The following SHC3 variants were observed in gnomAD, a reference collection of about 807,000 sequenced individuals.
SHC3 encodes SHC-transforming protein 3.
In SHC3, 15 loss-of-function variants were observed where a neutral mutation model predicts 60.4. The ratio of observed to expected loss-of-function variants is 0.25; its 90% CI spans 0.17 to 0.38. SHC3 has a LOEUF of 0.38. SHC3 is among the 10% of genes least tolerant of loss of function. The pLI, the probability that SHC3 is intolerant of heterozygous loss-of-function variation, is 1.00. For missense variants in SHC3, 677 were observed against 786.1 expected (o/e 0.86, Z 1.66); for synonymous variants, 294 against 325.9 (o/e 0.90, Z 1.05).
At chr9:89,056,902 TG>T (rs1824961536) in intron 6 of SHC3, among the ~76,000 whole-genome samples, 1 of 152,240 alleles carries the variant, frequency 6.6e-6, no homozygotes, top group South Asian at 2.1e-4. Flanking sequence ...TCGGGATCCA[TG>T]CCCCACTTTC....
chr9:89,111,993 T>A (rs1439226625), intron 2 of SHC3, among the ~76,000 whole-genome samples: 2 of 152,188 alleles, frequency 1.3e-5, no homozygotes, highest in Admixed American at 1.3e-4. Context: ...GATTTTATTT[T>A]TAAAAAACCA....
chr9:89,171,982 T>C (rs968490264), intron 1 of SHC3, among the ~76,000 whole-genome samples: 6 of 152,188 alleles, frequency 3.9e-5, no homozygotes, highest in Non-Finnish European at 8.8e-5. Flanking sequence ...AGAGGTGCCA[T>C]CCAGAGCTGA....
At chr9:89,067,662 G>A (rs1825204986) in intron 5 of SHC3, among the ~76,000 whole-genome samples, 1 of 152,172 alleles carries the variant, frequency 6.6e-6, no homozygotes, top group South Asian at 2.1e-4. Context: ...GAGTCATCCA[G>A]GTGCCCATGG....
chr9:89,088,201 C>T (rs977669074), intron 2 of SHC3, among the ~76,000 whole-genome samples: 2 of 152,162 alleles, frequency 1.3e-5, no homozygotes, highest in Non-Finnish European at 2.9e-5. Flanking sequence ...ATCTTAACCC[C>T]GACACTCCTT....
chr9:89,113,045 T>C (rs1427954570), intron 1 of SHC3, among the ~76,000 whole-genome samples: 1 of 152,096 alleles, frequency 6.6e-6, no homozygotes, highest in African/African-American at 2.4e-5. Flanking sequence ...AGGTTTACAA[T>C]TTTTAGAGAA....
At position 89,007,418 on chromosome 9, in the gene SHC3, A is replaced by G. The variant is rs957383991; in HGVS notation, c.*6029T>C. 1 of 152,152 alleles carries G rather than the reference A, an allele frequency of 6.6e-6. No homozygotes were observed. The highest frequency in any genetic ancestry group is 1.5e-5 in the Non-Finnish European group (1 of 68,046). 9.4% of individuals were successfully genotyped at this position (152,152 alleles called of 1,614,324 possible). Reference sequence around the variant, plus strand: ...AACACCTTTGTGTGTGTGTGTCTTTATTTCTTTCTAGGTTATAAACTCAGG... The same window carrying G: ...AACACCTTTGTGTGTGTGTGTCTTTGTTTCTTTCTAGGTTATAAACTCAGG... On this transcript the variant is annotated 3_prime_UTR_variant, in exon 12 of 12. Coordinates refer to ENST00000375835, the MANE Select transcript of SHC3 (RefSeq NM_016848.6).
At chr9:89,026,787 G>A (rs1826313525) in intron 11 of SHC3, among the ~76,000 whole-genome samples, 1 of 152,204 alleles carries the variant, frequency 6.6e-6, no homozygotes. Flanking sequence ...TCCACCTGAG[G>A]AGTGAGCCTG....
At chr9:89,127,696 G>A (rs1323418543) in intron 1 of SHC3, among the ~76,000 whole-genome samples, 3 of 151,900 alleles carry the variant, frequency 2.0e-5, no homozygotes, top group Non-Finnish European at 4.4e-5. Flanking sequence ...TGGCAGTTAT[G>A]GGGGGATACT....
chr9:89,129,174 T>G (rs999777672), intron 1 of SHC3, among the ~76,000 whole-genome samples: 2 of 151,968 alleles, frequency 1.3e-5, no homozygotes, highest in Non-Finnish European at 2.9e-5. Context: ...AAGATCAAAT[T>G]AATGAAATGA....
chr9:89,112,356 G>A (rs1240413014), intron 2 of SHC3, among the ~76,000 whole-genome samples, 200 bp downstream of exon 2: 1 of 152,152 alleles, frequency 6.6e-6, no homozygotes, highest in Non-Finnish European at 1.5e-5. Context: ...TGTCCTTCAA[G>A]GTACTTTGGT....
At chr9:89,052,466 T>C (rs1408217218) in intron 6 of SHC3, among the ~76,000 whole-genome samples, 2 of 152,234 alleles carry the variant, frequency 1.3e-5, no homozygotes, top group Non-Finnish European at 2.9e-5. Flanking sequence ...CTATAAAGCA[T>C]CAATTCTGAC....
chr9:89,147,164 T>TA (rs35036787), intron 1 of SHC3, among the ~76,000 whole-genome samples: 7 of 149,500 alleles, frequency 4.7e-5, no homozygotes, highest in Non-Finnish European at 8.9e-5. Flanking sequence ...ACTGGCAAAA[T>TA]AAAAAAAAAA....
intron 2 of SHC3, among the ~76,000 whole-genome samples, chr9:89,107,400 A>G (rs562964991): frequency 5.3e-5 from 8 of 152,322 alleles, no homozygotes; most frequent in Non-Finnish European, 7.4e-5. Flanking sequence ...TTGCACACAA[A>G]TGCCCATGAA....
Position 89,165,899 on chromosome 9 carries a change from T to C in SHC3, c.474+12088A>G, listed in dbSNP as rs191571162. Among the ~76,000 whole-genome samples, 204 of 152,300 alleles carry C rather than the reference T, an allele frequency of 1.3e-3. 2 individuals carry two copies. The highest frequency in any genetic ancestry group is 0.013 in the East Asian group (67 of 5,188). On this transcript the variant is annotated intron_variant, in intron 1 of 11. Transcript: ENST00000375835. ...TTGTCTCAGCTTCCAACATCACTCC[T>C]AATTGTCTTCTAATTGCCTCTACTT...
chr9:89,159,481 G>A (rs1037437671), intron 1 of SHC3, among the ~76,000 whole-genome samples: 1 of 152,228 alleles, frequency 6.6e-6, no homozygotes, highest in Non-Finnish European at 1.5e-5. Flanking sequence ...TAAGGAAGGA[G>A]CTCCGTTCTG....
chr9:89,177,853 G>A (rs1333733923), intron 1 of SHC3, 134 bp downstream of exon 1: 2 of 1,105,172 alleles, frequency 1.8e-6, no homozygotes, highest in African/African-American at 1.7e-5. Flanking sequence ...GATTGCTAAG[G>A]AGTGCGCATT....
chr9:89,013,842 C>T (rs1826050856), intron 11 of SHC3, among the ~76,000 whole-genome samples: 1 of 152,212 alleles, frequency 6.6e-6, no homozygotes, highest in South Asian at 2.1e-4. Flanking sequence ...TCCCAGCCCA[C>T]TGTCCTATAG....
chr9:89,041,328 T>C (rs1824683495), intron 10 of SHC3, among the ~76,000 whole-genome samples: 1 of 152,236 alleles, frequency 6.6e-6, no homozygotes, highest in Non-Finnish European at 1.5e-5. Context: ...TTCCTATTAC[T>C]CTCCTTATCC....
intron 2 of SHC3, among the ~76,000 whole-genome samples, chr9:89,101,297 C>A (rs1379486474): frequency 4.6e-5 from 7 of 152,052 alleles, no homozygotes; most frequent in Admixed American, 3.9e-4. Flanking sequence ...ATTCTAATAG[C>A]TTTCATGTAG....
Sources: gnomAD v4.1 joint callset for allele counts (sites outside exome capture counted in the v4.1 genomes callset) on GRCh38, gnomAD v4.1.1 for gene constraint, MANE v1.5 for transcripts, NCBI Gene and HGNC (gene_info 2026-07-23, HGNC 2026-07-21) for gene names.